Variants in MOB3A observed in about 807,000 individuals in gnomAD.
MOB3A encodes the protein MOB kinase activator 3A.
In MOB3A, 17 loss-of-function variants were observed where a neutral mutation model predicts 17.8. That is an observed-to-expected ratio of 0.95 (90% CI 0.65 to 1.43). The LOEUF (loss-of-function observed/expected upper bound fraction) is 1.43. MOB3A is among the 40% of genes most tolerant of loss of function. MOB3A has a pLI of 0.00. For synonymous variants in MOB3A, 124 were observed against 133.2 expected (o/e 0.93, Z 0.48); for missense variants, 333 against 310.8 (o/e 1.07, Z -0.54).
intron 2 of MOB3A, among the ~76,000 whole-genome samples, chr19:2,080,327 C>G (rs538527816): frequency 1.3e-5 from 2 of 152,148 alleles, no homozygotes; most frequent in South Asian, 4.1e-4. Context: ...CTCCACGCAA[C>G]GCTCACAAGT....
chr19:2,078,713 G>A (rs1568252748), intron 2 of MOB3A, 34 bp from the exon 3 acceptor site: 2 of 718,824 alleles, frequency 2.8e-6, no homozygotes, highest in Middle Eastern at 3.1e-4. Context: ...ACCTGCTGGA[G>A]GCGACAGAAT....
At chr19:2,088,219 C>T (rs1156786683) in intron 1 of MOB3A, among the ~76,000 whole-genome samples, 1 of 152,242 alleles carries the variant, frequency 6.6e-6, no homozygotes, top group Non-Finnish European at 1.5e-5. Flanking sequence ...ACCCCAGAGA[C>T]TAATCAGCCT....
Position 2,082,587 on chromosome 19 carries a change from T to C in MOB3A, c.-120+2588A>G, listed in dbSNP as rs1288593872. On this transcript the variant is annotated intron_variant, in intron 2 of 4. Transcript: ENST00000357066. The surrounding 1 kb of genome is among the most constrained non-coding windows in gnomAD (Gnocchi z 4.1). ...GACTCTGTGGGTGAAGCCACCGCTC[T>C]TTCTGCCCCACAACTCCCTAAATTC... is the stretch of plus-strand genomic sequence containing the variant. Among the ~76,000 whole-genome samples, 2 of 152,152 alleles carry C rather than the reference T, an allele frequency of 1.3e-5. No homozygotes were observed. The highest frequency in any genetic ancestry group is 4.8e-5 in the African/African-American group (2 of 41,426).
chr19:2,079,355 A>G (rs1033301044), intron 2 of MOB3A, among the ~76,000 whole-genome samples: 2 of 152,252 alleles, frequency 1.3e-5, no homozygotes, highest in African/African-American at 4.8e-5. Flanking sequence ...GCCACACCGC[A>G]ATGCCCGCAG....
rs2017514198 is a variant in MOB3A at position 2,083,400 on chromosome 19, C to T, written c.-120+1775G>A. 3.9e-5 allele frequency among the ~76,000 whole-genome samples: 6 copies of T among 152,334 alleles called. No individual in the cohort carries two copies. In the South Asian group the frequency reaches 1.2e-3, roughly 32 times the overall value. ...ATGAGCTCTGCAAGCCACACCTGCC[C>T]TCAGGCCACACCACCTGCAGCACAA... On this transcript the variant is annotated intron_variant, in intron 2 of 4. Coordinates refer to ENST00000357066, the MANE Select transcript of MOB3A (RefSeq NM_130807.3).
intron 2 of MOB3A, among the ~76,000 whole-genome samples, chr19:2,083,643 C>T (rs1378918146): frequency 1.3e-5 from 2 of 152,226 alleles, no homozygotes; most frequent in East Asian, 3.8e-4. Flanking sequence ...CACCTCCCTC[C>T]TCCCCGTTTC....
intron 1 of MOB3A, among the ~76,000 whole-genome samples, chr19:2,092,514 C>T (rs925213355): frequency 6.6e-5 from 10 of 152,088 alleles, no homozygotes; most frequent in Admixed American, 5.2e-4. Flanking sequence ...CGGTGGCTTA[C>T]GCCTGTAATC....
At position 2,092,753 on chromosome 19, in the gene MOB3A, CAAAAAA is replaced by C. The variant is rs745800527; in HGVS notation, c.-274+3467_-274+3472del. ...AGCCTGGGCAAGAGAAACTCCATCT[CAAAAAA>C]AAAAAAAAAAAAAAAAAGGAAAAGG... On this transcript the variant is annotated intron_variant, in intron 1 of 4. Coordinates refer to ENST00000357066, the MANE Select transcript of MOB3A (RefSeq NM_130807.3). 4.4e-4 allele frequency among the ~76,000 whole-genome samples: 21 copies of C among 48,234 alleles called. 1 individual carries two copies. The Middle Eastern group carries it at 0.029, about 66-fold the overall frequency. The allele number at this position is 48,234 out of a possible 152,430, so 31.6% of individuals were successfully genotyped here.
rs116377516 is a variant in MOB3A, at chr19:2,079,322, G to A, written c.-119-643C>T. On this transcript the variant is annotated intron_variant, in intron 2 of 4. Coordinates refer to ENST00000357066, the MANE Select transcript of MOB3A (RefSeq NM_130807.3). ...GCCAGTCACAGGGGACTGCATGGCCGGACTACGGCCTCCACAAAGGAAGCC... is the reference window on the plus strand; with the variant it reads ...GCCAGTCACAGGGGACTGCATGGCCAGACTACGGCCTCCACAAAGGAAGCC... Among the ~76,000 whole-genome samples, 1,080 of 152,364 alleles carry A rather than the reference G, an allele frequency of 7.1e-3. 16 individuals carry two copies. Among genetic ancestry groups the A allele is most frequent in the African/African-American group, 0.024 (1,008 of 41,592 alleles).
At chr19:2,091,165 G>A (rs148817415) in intron 1 of MOB3A, among the ~76,000 whole-genome samples, 13 of 152,170 alleles carry the variant, frequency 8.5e-5, no homozygotes, top group African/African-American at 2.6e-4. Flanking sequence ...GGGAACACGC[G>A]CTTCCTGCAG....
At position 2,082,778 on chromosome 19, in the gene MOB3A, C is replaced by T. The variant is rs1395361794; in HGVS notation, c.-120+2397G>A. Among the ~76,000 whole-genome samples the T allele has an allele frequency of 6.6e-6, 1 of 152,122 alleles. No individual in the cohort carries two copies. The highest frequency in any genetic ancestry group is 1.5e-5 in the Non-Finnish European group (1 of 68,018). On this transcript the variant is annotated intron_variant, in intron 2 of 4. Transcript: ENST00000357066. The surrounding 1 kb of genome is among the most constrained non-coding windows in gnomAD (Gnocchi z 4.1). ...CATCTTGGTTTTGCTCGGCGGGGCA[C>T]AACCCCAGGGTCACCACACAGGTCC...
intron 2 of MOB3A, among the ~76,000 whole-genome samples, chr19:2,080,160 T>C (rs2017468486): frequency 6.6e-6 from 1 of 152,120 alleles, no homozygotes; most frequent in African/African-American, 2.4e-5. Flanking sequence ...GTGCACCTTC[T>C]GGACGGGCAG....
chr19:2,095,661 G>T (rs988992133), intron 1 of MOB3A, among the ~76,000 whole-genome samples: 11 of 151,834 alleles, frequency 7.2e-5, no homozygotes, highest in South Asian at 2.1e-4. Context: ...CCCTCCTGGG[G>T]GATCGGCCTC....
Position 2,073,119 on chromosome 19 carries a change from T to G in MOB3A, c.*276A>C. On this transcript the variant is annotated 3_prime_UTR_variant, in exon 5 of 5. Transcript: ENST00000357066. ...CCAGCCTCCTGGAAAGTGGAAGTGG[T>G]TTAAAAACACAGTGGGCTTTTCCGG... The G allele has an allele frequency of 1.9e-6, 1 of 537,058 alleles. No individual in the cohort carries two copies. The allele number at this position is 537,058 out of a possible 1,614,324, so 33.3% of individuals were successfully genotyped here.
Position 2,073,296 on chromosome 19 carries a change from C to T in MOB3A, c.*99G>A. 1 of 1,510,008 alleles carries T rather than the reference C, an allele frequency of 6.6e-7. No homozygotes were observed. 93.5% of individuals were successfully genotyped at this position (1,510,008 alleles called of 1,614,324 possible). A position where few individuals can be genotyped will look rare whatever the true frequency, so the allele number is the denominator to read the frequency against. On this transcript the variant is annotated 3_prime_UTR_variant, in exon 5 of 5. Coordinates refer to ENST00000357066, the MANE Select transcript of MOB3A (RefSeq NM_130807.3). ...CTCGGCCCCTGGTCTCCCTGAGATG[C>T]TCAGGCCGGAGAGAAGCGGGATGAT...
In MOB3A at chr19:2,071,625, CT is replaced by C; in HGVS notation, c.*1769del. 6.6e-6 allele frequency: 1 copy of C among 152,374 alleles called. No individual in the cohort carries two copies. Among genetic ancestry groups the C allele is most frequent in the Non-Finnish European group, 1.5e-5 (1 of 68,170 alleles). 9.4% of individuals were successfully genotyped at this position (152,374 alleles called of 1,614,324 possible). On this transcript the variant is annotated 3_prime_UTR_variant, in exon 5 of 5. Coordinates refer to ENST00000357066, the MANE Select transcript of MOB3A (RefSeq NM_130807.3). ...TCAGCCAGGGAGAGGAGGTGGCTGCCTTTTCTCAGGGCCCTGCTCTCACCTT... is the reference window on the plus strand; with the variant it reads ...TCAGCCAGGGAGAGGAGGTGGCTGCCTTTCTCAGGGCCCTGCTCTCACCTT...
intron 2 of MOB3A, among the ~76,000 whole-genome samples, chr19:2,079,793 G>T (rs2017463244): frequency 6.6e-6 from 1 of 152,216 alleles, no homozygotes; most frequent in Admixed American, 6.5e-5. Flanking sequence ...GGGTCACATG[G>T]CGAGATGCCG....
chr19:2,086,146 T>C, intron 1 of MOB3A, among the ~76,000 whole-genome samples: 1 of 150,912 alleles, frequency 6.6e-6, no homozygotes, highest in African/African-American at 2.4e-5. Flanking sequence ...GTTCAAGCGA[T>C]TCTCCTGCCT....
At chr19:2,077,357 G>A (rs142869087) in intron 3 of MOB3A, among the ~76,000 whole-genome samples, 1,649 of 151,974 alleles carry the variant, frequency 0.011, 28 homozygotes, top group African/African-American at 0.038. Context: ...AGCCGAGATC[G>A]TGCCACTGCA....
Sources: allele counts gnomAD v4.1 joint callset (sites outside exome capture counted in the v4.1 genomes callset), GRCh38; gene constraint gnomAD v4.1.1; non-coding constraint Gnocchi (gnomAD v3.1); transcripts MANE v1.5; gene names NCBI Gene and HGNC (gene_info 2026-07-23, HGNC 2026-07-21).